The following PTPRN2 variants were observed in gnomAD, a reference collection of about 807,000 sequenced individuals.
PTPRN2 encodes protein tyrosine phosphatase receptor type N2.
PTPRN2 carries 74 observed loss-of-function variants against 118.8 expected under a neutral mutation model. The observed-to-expected ratio is 0.62, with a 90% CI of 0.52 to 0.76. PTPRN2 has a LOEUF of 0.76. Ranked by LOEUF, PTPRN2 falls within the 30% of genes least tolerant of loss-of-function variation. The pLI is 0.00. For synonymous variants in PTPRN2, 641 were observed against 608.0 expected, an observed-to-expected ratio of 1.05 and a Z score of -0.80; for missense variants, 1,481 against 1,394.4, an observed-to-expected ratio of 1.06 and a Z score of -0.99.
At chr7:158,552,634 A>G (rs1019909059) in intron 1 of PTPRN2, among the ~76,000 whole-genome samples, 1 of 152,166 alleles carries the variant, frequency 6.6e-6, no homozygotes, top group African/African-American at 2.4e-5. Context: ...ATTGGTAGAG[A>G]TGGGGTTTCA....
intron 2 of PTPRN2, among the ~76,000 whole-genome samples, chr7:158,341,122 TCA>T: frequency 1.3e-5 from 1 of 77,958 alleles, no homozygotes; most frequent in Non-Finnish European, 2.7e-5. Context: ...CACCCACACG[TCA>T]CTCACACCCA....
rs1827528384 is a variant in PTPRN2 at position 158,563,883 on chromosome 7, T to A, written c.112+23675A>T. ...CATATATTTCTAAGATTGGGGTCATTCCTTACACCTGGATTTGTTCTCCAG... is the reference window on the plus strand; with the variant it reads ...CATATATTTCTAAGATTGGGGTCATACCTTACACCTGGATTTGTTCTCCAG... On this transcript the variant is annotated intron_variant, in intron 1 of 22. Coordinates refer to ENST00000389418, the MANE Select transcript of PTPRN2 (RefSeq NM_002847.5). This position sits in a 1 kb window ranked among gnomAD's most constrained non-coding sequence, Gnocchi z 5.1. 6.6e-6 allele frequency among the ~76,000 whole-genome samples: 1 copy of A among 152,252 alleles called. No individual in the cohort carries two copies. The highest frequency in any genetic ancestry group is 1.5e-5 in the Non-Finnish European group (1 of 68,050).
At chr7:158,295,691 G>A (rs911190296) in intron 3 of PTPRN2, among the ~76,000 whole-genome samples, 1 of 141,552 alleles carries the variant, frequency 7.1e-6, no homozygotes, top group African/African-American at 2.7e-5. Flanking sequence ...GCACCACATC[G>A]TGGTTCACCT....
chr7:158,533,122 C>G (rs1825377537), intron 1 of PTPRN2, among the ~76,000 whole-genome samples: 1 of 152,248 alleles, frequency 6.6e-6, no homozygotes, highest in Non-Finnish European at 1.5e-5. Flanking sequence ...ACCACGGGAG[C>G]TTGAAAACCA....
intron 16 of PTPRN2, among the ~76,000 whole-genome samples, chr7:157,595,868 T>C (rs1801306936): frequency 6.6e-6 from 1 of 152,174 alleles, no homozygotes; most frequent in African/African-American, 2.4e-5. Context: ...TCCTTATACC[T>C]GAGGTTGAGG....
chr7:158,226,270 T>G (rs1004922076), intron 3 of PTPRN2, among the ~76,000 whole-genome samples: 3 of 151,992 alleles, frequency 2.0e-5, no homozygotes, highest in Non-Finnish European at 4.4e-5. Flanking sequence ...AGAACACTAG[T>G]GTGGATAGTT....
At chr7:157,694,164 C>T (rs1036691260) in intron 12 of PTPRN2, among the ~76,000 whole-genome samples, 1 of 152,250 alleles carries the variant, frequency 6.6e-6, no homozygotes, top group Non-Finnish European at 1.5e-5. Flanking sequence ...CATCAAAGCA[C>T]CGCATTCCTG....
chr7:158,103,576 T>A (rs1170600507), intron 10 of PTPRN2, among the ~76,000 whole-genome samples: 1 of 152,198 alleles, frequency 6.6e-6, no homozygotes, highest in Non-Finnish European at 1.5e-5. Flanking sequence ...GTACTCAGAA[T>A]GTCTGAGGTC....
intron 12 of PTPRN2, among the ~76,000 whole-genome samples, chr7:157,891,493 C>A (rs1796804392): frequency 6.7e-6 from 1 of 148,540 alleles, no homozygotes; most frequent in Non-Finnish European, 1.5e-5. Flanking sequence ...CCCCCCACCC[C>A]CCATCCCAGG....
At chr7:157,689,813 G>T (rs925843312) in intron 12 of PTPRN2, among the ~76,000 whole-genome samples, 1 of 152,208 alleles carries the variant, frequency 6.6e-6, no homozygotes, top group Non-Finnish European at 1.5e-5. Flanking sequence ...CCTGCCTCTG[G>T]AACGCCTCTC....
At chr7:158,318,993 T>G (rs1802581004) in intron 2 of PTPRN2, among the ~76,000 whole-genome samples, 1 of 152,252 alleles carries the variant, frequency 6.6e-6, no homozygotes, top group Non-Finnish European at 1.5e-5. Flanking sequence ...CTATCAATTT[T>G]GGAACGTTCC....
intron 12 of PTPRN2, among the ~76,000 whole-genome samples, chr7:157,834,806 G>C (rs1024931121): frequency 6.6e-6 from 1 of 152,216 alleles, no homozygotes; most frequent in Non-Finnish European, 1.5e-5. Flanking sequence ...ATGAGGCTAC[G>C]GGGCTTGTTG....
At chr7:157,657,889 A>C (rs1231271091) in intron 13 of PTPRN2, among the ~76,000 whole-genome samples, 5 of 133,394 alleles carry the variant, frequency 3.7e-5, no homozygotes, top group African/African-American at 1.1e-4. Context: ...CACACACACC[A>C]CACACATCAC....
At chr7:157,645,973 G>C (rs1805044023) in intron 14 of PTPRN2, among the ~76,000 whole-genome samples, 1 of 152,252 alleles carries the variant, frequency 6.6e-6, no homozygotes, top group African/African-American at 2.4e-5. Flanking sequence ...AAAGGTGCAA[G>C]ACGTAAGGGC....
At chr7:158,234,919 C>T (rs1179883092) in intron 3 of PTPRN2, among the ~76,000 whole-genome samples, 4 of 152,160 alleles carry the variant, frequency 2.6e-5, no homozygotes, top group Admixed American at 6.6e-5. Context: ...CCTGCCACCA[C>T]ACCCGGCTAA....
chr7:157,547,803 A>G (rs542669535), intron 22 of PTPRN2, among the ~76,000 whole-genome samples: 5 of 152,330 alleles, frequency 3.3e-5, no homozygotes, highest in African/African-American at 1.2e-4. Context: ...GGACACGCCT[A>G]GACAAGAGAC....
At chr7:158,078,168 C>T (rs77954085) in intron 11 of PTPRN2, among the ~76,000 whole-genome samples, 1,829 of 152,282 alleles carry the variant, frequency 0.012, 21 homozygotes, top group East Asian at 0.058. Flanking sequence ...ATTAACTACA[C>T]GCCTATTCAT....
intron 21 of PTPRN2, among the ~76,000 whole-genome samples, chr7:157,549,755 A>G (rs1357106965): frequency 1.3e-5 from 2 of 152,224 alleles, no homozygotes; most frequent in African/African-American, 4.8e-5. Context: ...CGACCTCTCC[A>G]GCGTGTTGCA....
chr7:158,418,827 CTGTGT>C (rs1338580286), intron 2 of PTPRN2, among the ~76,000 whole-genome samples: 2 of 152,218 alleles, frequency 1.3e-5, no homozygotes, highest in African/African-American at 4.8e-5. Context: ...CAGTGTCCCA[CTGTGT>C]TAAGTCATGT....
Sources: allele counts gnomAD v4.1 joint callset (sites outside exome capture counted in the v4.1 genomes callset), GRCh38; gene constraint gnomAD v4.1.1; non-coding constraint Gnocchi (gnomAD v3.1); transcripts MANE v1.5; gene names NCBI Gene and HGNC (gene_info 2026-07-23, HGNC 2026-07-21).